GOLGB1: variants seen among roughly 807,000 people sequenced by gnomAD.
GOLGB1 encodes the protein golgin subfamily B member 1.
In GOLGB1, 174 loss-of-function variants were observed where a neutral mutation model predicts 336.9. The ratio of observed to expected loss-of-function variants is 0.52; its 90% CI spans 0.46 to 0.59. GOLGB1 has a LOEUF of 0.59. Among genes scored for constraint, GOLGB1 ranks in the 20% least tolerant of loss-of-function variants. GOLGB1 has a pLI of 0.00. For missense variants in GOLGB1, 3,331 were observed against 3,645.3 expected (o/e 0.91, Z 2.22); for synonymous variants, 1,208 against 1,289.2 (o/e 0.94, Z 1.35).
intron 9 of GOLGB1, 27 bp downstream of exon 9, chr3:121,716,710 G>A (rs371566671): frequency 1.0e-4 from 159 of 1,559,364 alleles, no homozygotes; most frequent in Middle Eastern, 1.7e-4. Context: ...GTAGAGATGT[G>A]GACTTCAAAA....
intron 11 of GOLGB1, among the ~76,000 whole-genome samples, chr3:121,702,044 C>T (rs1366497130): frequency 6.6e-6 from 1 of 152,070 alleles, no homozygotes; most frequent in African/African-American, 2.4e-5. Context: ...CAGGGTACAG[C>T]ACGAGCATAA....
intron 1 of GOLGB1, among the ~76,000 whole-genome samples, chr3:121,748,350 C>T (rs1036244517): frequency 5.9e-5 from 9 of 152,118 alleles, no homozygotes; most frequent in African/African-American, 2.2e-4. Context: ...AAACACACAA[C>T]ATTTGGGGAG....
chr3:121,669,233 C>G lies in GOLGB1; in HGVS notation c.9300G>C (p.Lys3100Asn). The G allele has an allele frequency of 6.2e-7, 1 of 1,613,976 alleles. No homozygotes were observed. Among genetic ancestry groups the G allele is most frequent in the East Asian group, 2.2e-5 (1 of 44,884 alleles). ...TCACCGCCTGCAGCTCTTGAACCTG[C>G]TTCTCCAAGACTGCACAGTGATTTA... ...DLLNHCAVLEKQVQELQAGPL... is the reference protein window; with the variant it reads ...DLLNHCAVLENQVQELQAGPL... Residue 3100 changes from lysine (K) to asparagine (N), a missense_variant, in exon 18 of 22, where the codon AAG (lysine) becomes AAC (asparagine). Physicochemically the swap from Lys to Asn is moderately conservative, Grantham distance 94. Transcript: ENST00000614479.
At position 121,718,410 on chromosome 3, in the gene GOLGB1, G is replaced by T; in HGVS notation, c.863C>A (p.Thr288Asn). Residue 288 changes from threonine (T) to asparagine (N), a missense_variant, in exon 8 of 22, where the codon ACT becomes AAT. Physicochemically the swap from Thr to Asn is moderately conservative, Grantham distance 65. Transcript: ENST00000614479. ...QVVDLLQQEL[T>N]AAEQRNQILS... ...TACCTGGTTTCTCTGCTCAGCAGCA[G>T]TCAGCTCCTGTTGCAGCAAGTCAAC... 1 of 1,611,678 alleles carries T rather than the reference G, an allele frequency of 6.2e-7. No homozygotes were observed. The highest frequency in any genetic ancestry group is 1.1e-5 in the South Asian group (1 of 91,040).
At chr3:121,667,410 G>A (rs1576245318) in intron 20 of GOLGB1, 66 bp downstream of exon 20, 2 of 1,491,212 alleles carry the variant, frequency 1.3e-6, no homozygotes, top group Non-Finnish European at 1.8e-6. Context: ...AGTCTGGCAG[G>A]AAATGTACAT....
chr3:121,747,436 CAT>C (rs1947446800), intron 1 of GOLGB1, among the ~76,000 whole-genome samples: 1 of 136,472 alleles, frequency 7.3e-6, no homozygotes, highest in South Asian at 2.2e-4. Flanking sequence ...CATATATACA[CAT>C]GGATGTTATA....
chr3:121,728,723 T>G (rs1473430731), intron 4 of GOLGB1, among the ~76,000 whole-genome samples: 2 of 152,236 alleles, frequency 1.3e-5, no homozygotes, highest in Non-Finnish European at 2.9e-5. Context: ...TTCAGCTGAT[T>G]CAGCCCACAT....
In GOLGB1 at chr3:121,716,925, C is replaced by T. The variant is rs1057100369; in HGVS notation, c.1100G>A (p.Arg367Gln). 2 of 1,613,858 alleles carry T rather than the reference C, an allele frequency of 1.2e-6. No homozygotes were observed. Among genetic ancestry groups the T allele is most frequent in the Non-Finnish European group, 1.7e-6 (2 of 1,179,822 alleles). Reference protein sequence around the residue: ...AGQAQAELESRYSALEQKHKA... With the variant: ...AGQAQAELESQYSALEQKHKA... Reference sequence around the variant, plus strand: ...GTGCTTCTGCTCCAAAGCACTATACCGAGACTCTAGTTCAGCCTGGGCTTG... The same window carrying T: ...GTGCTTCTGCTCCAAAGCACTATACTGAGACTCTAGTTCAGCCTGGGCTTG... Residue 367 changes from arginine (R) to glutamine (Q), a missense_variant, in exon 9 of 22, where the codon CGG (arginine) becomes CAG (glutamine). Transcript: ENST00000614479.
At chr3:121,727,320 A>ATATATATATATATTTTTT (rs1365310516) in intron 4 of GOLGB1, among the ~76,000 whole-genome samples, 1 of 28,628 alleles carries the variant, frequency 3.5e-5, no homozygotes, top group Admixed American at 7.2e-4. Flanking sequence ...ATATATATAT[A>ATATATATATATATTTTTT]TTTTTTTTTT....
At chr3:121,674,716 C>T (rs985553509) in intron 17 of GOLGB1, among the ~76,000 whole-genome samples, 2 of 151,862 alleles carry the variant, frequency 1.3e-5, no homozygotes, top group Non-Finnish European at 2.9e-5. Flanking sequence ...AGGCTAAGCT[C>T]ATGAAGGAAT....
At chr3:121,735,980 T>C (rs1328826525) in intron 1 of GOLGB1, among the ~76,000 whole-genome samples, 1 of 151,926 alleles carries the variant, frequency 6.6e-6, no homozygotes, top group African/African-American at 2.4e-5. Flanking sequence ...AAAAATGGGG[T>C]ATGTGACCAG....
intron 10 of GOLGB1, among the ~76,000 whole-genome samples, chr3:121,703,103 C>A (rs1943537457): frequency 6.6e-6 from 1 of 152,086 alleles, no homozygotes; most frequent in Non-Finnish European, 1.5e-5. Context: ...ATTTATACAT[C>A]CAGAATTTTT....
rs1323696057 is a variant in GOLGB1, at chr3:121,717,126, T to G, written c.899A>C (p.Gln300Pro). 2 of 1,603,960 alleles carry G rather than the reference T, an allele frequency of 1.2e-6. No homozygotes were observed. The highest frequency in any genetic ancestry group is 2.2e-5 in the East Asian group (1 of 44,840). ...AEQRNQILSQ[Q>P]LQQMEAEHNT... ...ATGCTCAGCTTCCATCTGCTGTAAC[T>G]GCTGAGAGAGAATCTAAGAAAAAAG... is the stretch of plus-strand genomic sequence containing the variant. The change falls in exon 9 of 22, where the codon CAG (glutamine) becomes CCG (proline). Residue 300 changes from glutamine to proline, a missense_variant. Transcript: ENST00000614479.
chr3:121,686,568 T>C (rs1340955587), intron 14 of GOLGB1, among the ~76,000 whole-genome samples: 1 of 152,174 alleles, frequency 6.6e-6, no homozygotes, highest in Admixed American at 6.6e-5. Flanking sequence ...GTCAGTTCTA[T>C]GCTAAAGATG....
intron 20 of GOLGB1, among the ~76,000 whole-genome samples, chr3:121,666,772 G>A (rs563589269): frequency 7.2e-5 from 11 of 152,272 alleles, no homozygotes; most frequent in Admixed American, 2.0e-4. Flanking sequence ...GATATTTTCC[G>A]TGGAAAGGGA....
intron 20 of GOLGB1, among the ~76,000 whole-genome samples, chr3:121,667,118 A>G (rs1392815844): frequency 1.3e-5 from 2 of 152,202 alleles, no homozygotes; most frequent in Non-Finnish European, 1.5e-5. Context: ...TTAATCTTTT[A>G]AAAAAGATTT....
At chr3:121,669,057 G>T in intron 18 of GOLGB1, 155 bp downstream of exon 18, 1 of 656,422 alleles carries the variant, frequency 1.5e-6, no homozygotes, top group South Asian at 2.4e-5. Context: ...ATTTTTCTCA[G>T]ACCTTATTCC....
intron 15 of GOLGB1, among the ~76,000 whole-genome samples, 189 bp from the exon 16 acceptor site, chr3:121,677,639 A>G (rs1195937909): frequency 6.6e-6 from 1 of 152,192 alleles, no homozygotes; most frequent in Non-Finnish European, 1.5e-5. Flanking sequence ...TTTTTTCTCT[A>G]TCTCCTTTTC....
At chr3:121,701,266 A>T (rs1943383049) in intron 11 of GOLGB1, among the ~76,000 whole-genome samples, 1 of 152,178 alleles carries the variant, frequency 6.6e-6, no homozygotes, top group African/African-American at 2.4e-5. Flanking sequence ...GTGAAGCCAC[A>T]TGGATAGGAT....
Sources: allele counts gnomAD v4.1 joint callset (sites outside exome capture counted in the v4.1 genomes callset), GRCh38; gene constraint gnomAD v4.1.1; transcripts MANE v1.5; gene names NCBI Gene and HGNC (gene_info 2026-07-23, HGNC 2026-07-21).